Variants in DIP2C observed in about 807,000 individuals in gnomAD.
The protein encoded by DIP2C is DIP2 acetate--CoA ligase C (putative).
Under a neutral mutation model 192.4 loss-of-function variants are expected in DIP2C, and 33 were observed. The ratio of observed to expected loss-of-function variants is 0.17; its 90% CI spans 0.13 to 0.23. DIP2C has a LOEUF of 0.23. Among genes scored for constraint, DIP2C ranks in the 10% least tolerant of loss-of-function variants. The pLI is 1.00. For synonymous variants in DIP2C, 979 were observed against 864.1 expected, an observed-to-expected ratio of 1.13 and a Z score of -2.33; for missense variants, 1,537 against 2,110.1, an observed-to-expected ratio of 0.73 and a Z score of 5.32.
chr10:510,940 C>T (rs2130769421), intron 1 of DIP2C, among the ~76,000 whole-genome samples: 1 of 152,310 alleles, frequency 6.6e-6, no homozygotes, highest in South Asian at 2.1e-4. Context: ...TGTCACTTGC[C>T]ACTCATGTCT....
chr10:453,553 T>C (rs1372074500), intron 3 of DIP2C, among the ~76,000 whole-genome samples: 2 of 152,198 alleles, frequency 1.3e-5, no homozygotes, highest in African/African-American at 2.4e-5. Flanking sequence ...GGAAGAGCAC[T>C]GAAAGTGGTC....
intron 24 of DIP2C, among the ~76,000 whole-genome samples, chr10:352,976 A>T (rs950195612): frequency 6.6e-6 from 1 of 152,094 alleles, no homozygotes; most frequent in African/African-American, 2.4e-5. Context: ...ATTCTCGGCG[A>T]GTGTCCCATA....
intron 18 of DIP2C, 74 bp from the exon 19 acceptor site, chr10:366,485 C>A: frequency 6.3e-7 from 1 of 1,592,682 alleles, no homozygotes. Flanking sequence ...AGGGAAGACG[C>A]GAATATGAAC....
At chr10:408,255 A>G (rs1964949825) in intron 9 of DIP2C, among the ~76,000 whole-genome samples, 1 of 150,452 alleles carries the variant, frequency 6.6e-6, no homozygotes, top group Admixed American at 6.6e-5. Flanking sequence ...ATCCATATAC[A>G]TGAGGGTTTA....
chr10:602,229 T>C (rs1419362998), intron 1 of DIP2C, among the ~76,000 whole-genome samples: 1 of 152,212 alleles, frequency 6.6e-6, no homozygotes, highest in Non-Finnish European at 1.5e-5. Context: ...CTTAAGTTCC[T>C]CCTGCTGATT....
rs534904284 is a variant in DIP2C at position 506,016 on chromosome 10, G to A, written c.86-19486C>T. Among the ~76,000 whole-genome samples, 4 of 152,278 alleles carry A rather than the reference G, an allele frequency of 2.6e-5. No homozygotes were observed. In the South Asian group the frequency reaches 8.3e-4, roughly 32 times the overall value. Reference sequence around the variant, plus strand: ...GGATTAGGAACGCAGGTGACAAAAGGAGGTTGTGACATCTACACGATGTCA... The same window carrying A: ...GGATTAGGAACGCAGGTGACAAAAGAAGGTTGTGACATCTACACGATGTCA... On this transcript the variant is annotated intron_variant, in intron 1 of 36. Transcript: ENST00000280886.
chr10:344,719 G>A (rs1330796445), intron 28 of DIP2C, 90 bp downstream of exon 28: 23 of 1,061,206 alleles, frequency 2.2e-5, no homozygotes, highest in South Asian at 2.8e-5. Context: ...CTGACTACAC[G>A]AGAGGCGCTG....
intron 13 of DIP2C, 101 bp from the exon 14 acceptor site, chr10:387,910 C>T: frequency 1.5e-6 from 2 of 1,296,934 alleles, no homozygotes; most frequent in East Asian, 4.6e-5. Context: ...AATAACAGAT[C>T]TTGGGAAAAT....
intron 1 of DIP2C, among the ~76,000 whole-genome samples, chr10:674,783 TATATATAGAGAG>T: frequency 1.0e-5 from 1 of 96,660 alleles, no homozygotes; most frequent in East Asian, 3.4e-4. Flanking sequence ...TATATATATA[TATATATAGAGAG>T]AGAGAGAGAG....
intron 4 of DIP2C, among the ~76,000 whole-genome samples, chr10:426,736 C>T (rs758329097): frequency 6.6e-6 from 1 of 152,110 alleles, no homozygotes; most frequent in Non-Finnish European, 1.5e-5. Flanking sequence ...CGTCTCAAGA[C>T]AATTCAGTAA....
At chr10:621,376 C>T (rs150341445) in intron 1 of DIP2C, among the ~76,000 whole-genome samples, 23 of 151,736 alleles carry the variant, frequency 1.5e-4, no homozygotes, top group Non-Finnish European at 2.9e-4. Context: ...CCAATATGAG[C>T]ACACACCACC....
chr10:501,327 CTTT>C (rs1845211057), intron 1 of DIP2C, among the ~76,000 whole-genome samples: 1 of 151,860 alleles, frequency 6.6e-6, no homozygotes, highest in Non-Finnish European at 1.5e-5. Context: ...TAAGAATATA[CTTT>C]ATTTAGAAGG....
chr10:439,460 C>A (rs1485670507), intron 4 of DIP2C, among the ~76,000 whole-genome samples: 1 of 152,112 alleles, frequency 6.6e-6, no homozygotes, highest in Non-Finnish European at 1.5e-5. Flanking sequence ...TCCACAAAAA[C>A]TTAAAAATTA....
chr10:638,740 C>T (rs1483486756), intron 1 of DIP2C, among the ~76,000 whole-genome samples: 1 of 152,184 alleles, frequency 6.6e-6, no homozygotes. Flanking sequence ...AGCATTGGAG[C>T]AATCCTGGCA....
chr10:437,409 G>C (rs145023624), intron 4 of DIP2C, among the ~76,000 whole-genome samples: 1 of 147,430 alleles, frequency 6.8e-6, no homozygotes, highest in South Asian at 2.2e-4. Context: ...GATATGCTCC[G>C]CCCACACCTG....
rs1392242860 is a variant in DIP2C at position 568,778 on chromosome 10, AAAAAAAAAAAAAAAAAAAAAC to A, written c.86-82269_86-82249del. ...GAAACTCCGTCTCAAAAAAAAAAAAAAAAAAAAAAAAAAAAAAAAACCTTCACTTGATCTGCAAGATGGCTG... is the reference window on the plus strand; with the variant it reads ...GAAACTCCGTCTCAAAAAAAAAAAAACTTCACTTGATCTGCAAGATGGCTG... On this transcript the variant is annotated intron_variant, in intron 1 of 36. Coordinates refer to ENST00000280886, the MANE Select transcript of DIP2C (RefSeq NM_014974.3). 9.0e-4 allele frequency among the ~76,000 whole-genome samples: 129 copies of A among 143,662 alleles called. 2 individuals carry two copies. Among genetic ancestry groups the A allele is most frequent in the African/African-American group, 2.6e-3 (100 of 38,332 alleles). The allele number at this position is 143,662 out of a possible 152,430, so 94.2% of individuals were successfully genotyped here. A position where few individuals can be genotyped will look rare whatever the true frequency, so the allele number is the denominator to read the frequency against.
In DIP2C at chr10:465,445, T is replaced by A. The variant is rs540377777; in HGVS notation, c.268+6994A>T. On this transcript the variant is annotated intron_variant, in intron 3 of 36. Transcript: ENST00000280886. Reference sequence around the variant, plus strand: ...CAGCCAATATCATACTGAATGGGCATAAACTGGAAGCATTCCCTTTGAAAA... The same window carrying A: ...CAGCCAATATCATACTGAATGGGCAAAAACTGGAAGCATTCCCTTTGAAAA... Among the ~76,000 whole-genome samples the A allele has an allele frequency of 2.1e-3, 318 of 152,058 alleles. 3 individuals carry two copies. Among genetic ancestry groups the A allele is most frequent in the African/African-American group, 7.3e-3 (301 of 41,392 alleles).
chr10:289,836 A>T (rs999791972), intron 32 of DIP2C, among the ~76,000 whole-genome samples: 1 of 152,186 alleles, frequency 6.6e-6, no homozygotes, highest in African/African-American at 2.4e-5. Context: ...GCAGTGTGGT[A>T]GGTGGCACCG....
intron 3 of DIP2C, among the ~76,000 whole-genome samples, chr10:469,624 A>G (rs575273378): frequency 2.0e-5 from 3 of 152,160 alleles, no homozygotes; most frequent in East Asian, 1.9e-4. Flanking sequence ...GCCCTGACAG[A>G]TATCTCTTAA....
Sources: gnomAD v4.1 joint callset for allele counts (sites outside exome capture counted in the v4.1 genomes callset) on GRCh38, gnomAD v4.1.1 for gene constraint, MANE v1.5 for transcripts, NCBI Gene and HGNC (gene_info 2026-07-23, HGNC 2026-07-21) for gene names.